BRIP1: variants seen among roughly 807,000 people sequenced by gnomAD.
BRIP1 encodes Fanconi anemia group J protein.
Under a neutral mutation model 119.7 loss-of-function variants are expected in BRIP1, and 88 were observed. The observed-to-expected ratio is 0.74, with a 90% confidence interval of 0.62 to 0.88. BRIP1 has a LOEUF of 0.88. Ranked by LOEUF, BRIP1 falls within the 40% of genes least tolerant of loss-of-function variation. BRIP1 has a pLI of 0.00. For synonymous variants in BRIP1, 443 were observed against 496.5 expected, an observed-to-expected ratio of 0.89 and a Z score of 1.43; for missense variants, 1,259 against 1,455.4, an observed-to-expected ratio of 0.87 and a Z score of 2.20.
rs1020539900 is a variant in BRIP1 at position 61,757,615 on chromosome 17, T to C, written c.2098-13024A>G. Among the ~76,000 whole-genome samples the C allele has an allele frequency of 2.6e-5, 4 of 152,158 alleles. No homozygotes were observed. The highest frequency in any genetic ancestry group is 7.2e-5 in the African/African-American group (3 of 41,434). On this transcript the variant is annotated intron_variant, in intron 14 of 19. Coordinates refer to ENST00000259008, the MANE Select transcript of BRIP1 (RefSeq NM_032043.3). This position sits in a 1 kb window ranked among gnomAD's most constrained non-coding sequence, Gnocchi z 4.3. Reference sequence around the variant, plus strand: ...ATTCTGATAAAAATATACAATGATATTTACAATGCAAAAAACTTCAAAAAA... The same window carrying C: ...ATTCTGATAAAAATATACAATGATACTTACAATGCAAAAAACTTCAAAAAA...
rs1035913949 is a variant in BRIP1, at chr17:61,682,119, C to T, written c.*1177G>A. The T allele has an allele frequency of 4.9e-6, 1 of 203,704 alleles. No individual in the cohort carries two copies. The highest frequency in any genetic ancestry group is 1.0e-5 in the Non-Finnish European group (1 of 99,384). The allele number at this position is 203,704 out of a possible 1,614,324, so 12.6% of individuals were successfully genotyped here. On this transcript the variant is annotated 3_prime_UTR_variant, in exon 20 of 20. Coordinates refer to ENST00000259008, the MANE Select transcript of BRIP1 (RefSeq NM_032043.3). The surrounding 1 kb of genome is among the most constrained non-coding windows in gnomAD (Gnocchi z 4.9). ...AGGTCAAAATTCACAGAAAGGATTACTGTGCCCTAAGGAAACATATTTTAG... is the reference window on the plus strand; with the variant it reads ...AGGTCAAAATTCACAGAAAGGATTATTGTGCCCTAAGGAAACATATTTTAG...
rs2077849778 is a variant in BRIP1, at chr17:61,793,488, G to A, written c.1473+109C>T. 4.1e-6 allele frequency: 4 copies of A among 979,528 alleles called. No homozygotes were observed. The highest frequency in any genetic ancestry group is 5.9e-6 in the Non-Finnish European group (4 of 679,528). 60.7% of individuals were successfully genotyped at this position (979,528 alleles called of 1,614,324 possible). A position where few individuals can be genotyped will look rare whatever the true frequency, so the allele number is the denominator to read the frequency against. ...AATAAAATTTTTAAAAAATTAAATTGCTATATTTAACAATTCTGGGTTACT... is the reference window on the plus strand; with the variant it reads ...AATAAAATTTTTAAAAAATTAAATTACTATATTTAACAATTCTGGGTTACT... On this transcript the variant is annotated intron_variant, in intron 10 of 19. Coordinates refer to ENST00000259008, the MANE Select transcript of BRIP1 (RefSeq NM_032043.3). This position sits in a 1 kb window ranked among gnomAD's most constrained non-coding sequence, Gnocchi z 5.2.
chr17:61,721,549 G>A (rs921412642), intron 16 of BRIP1, among the ~76,000 whole-genome samples: 4 of 151,948 alleles, frequency 2.6e-5, no homozygotes, highest in Non-Finnish European at 5.9e-5. Flanking sequence ...GATTACGGGC[G>A]TGAGCCACTG....
rs1442226636 is a variant in BRIP1 at position 61,703,415 on chromosome 17, C to G, written c.2493-9903G>C. ...AATGATAGTGTGTTGAACATTTTTT[C>G]ATATGCTTCTTGGCCACATGCATGT... On this transcript the variant is annotated intron_variant, in intron 17 of 19. Coordinates refer to ENST00000259008, the MANE Select transcript of BRIP1 (RefSeq NM_032043.3). The surrounding 1 kb of genome is among the most constrained non-coding windows in gnomAD (Gnocchi z 5.0). Among the ~76,000 whole-genome samples the G allele has an allele frequency of 1.3e-5, 2 of 152,156 alleles. No homozygotes were observed. The highest frequency in any genetic ancestry group is 1.5e-5 in the Non-Finnish European group (1 of 68,016).
At chr17:61,711,916 G>A (rs563528513) in intron 17 of BRIP1, among the ~76,000 whole-genome samples, 17 of 151,636 alleles carry the variant, frequency 1.1e-4, no homozygotes, top group African/African-American at 4.1e-4. Flanking sequence ...ATAAAATGAT[G>A]GGGAGTACAG....
chr17:61,777,921 C>A (rs1031526517), intron 13 of BRIP1, among the ~76,000 whole-genome samples: 3 of 152,054 alleles, frequency 2.0e-5, no homozygotes, highest in Non-Finnish European at 4.4e-5. Flanking sequence ...ACTCTCCTAT[C>A]ATGTCTTGGT....
At chr17:61,771,943 C>CA (rs1234088238) in intron 14 of BRIP1, among the ~76,000 whole-genome samples, 1 of 151,864 alleles carries the variant, frequency 6.6e-6, no homozygotes, top group Non-Finnish European at 1.5e-5. Flanking sequence ...GCCTGGGTGA[C>CA]AGAGTGAGAC....
In BRIP1 at chr17:61,780,441, G is replaced by T. The variant is rs2145083280; in HGVS notation, c.1795-40C>A. The T allele has an allele frequency of 6.4e-7, 1 of 1,567,562 alleles. No homozygotes were observed. Among genetic ancestry groups the T allele is most frequent in the South Asian group, 1.1e-5 (1 of 89,708 alleles). On this transcript the variant is annotated intron_variant, in intron 12 of 19. Transcript: ENST00000259008. This position sits in a 1 kb window ranked among gnomAD's most constrained non-coding sequence, Gnocchi z 5.4. The stretch of plus-strand genomic sequence containing the variant: ...CATTAGATAAATAAAATTATCTTTA[G>T]AAGAGGCTGGGCAAAGTGGCTCACA...
chr17:61,850,935 A>G (rs964231503), intron 4 of BRIP1, among the ~76,000 whole-genome samples: 1 of 151,480 alleles, frequency 6.6e-6, no homozygotes, highest in Non-Finnish European at 1.5e-5. Flanking sequence ...TTCTTCTTAA[A>G]GAAATGTTGC....
At position 61,825,222 on chromosome 17, in the gene BRIP1, T is replaced by A. The variant is rs2078387061; in HGVS notation, c.628-16465A>T. 1.3e-5 allele frequency among the ~76,000 whole-genome samples: 2 copies of A among 151,860 alleles called. No homozygotes were observed. Among genetic ancestry groups the A allele is most frequent in the South Asian group, 4.2e-4 (2 of 4,804 alleles). On this transcript the variant is annotated intron_variant, in intron 6 of 19. Transcript: ENST00000259008. The surrounding 1 kb of genome is among the most constrained non-coding windows in gnomAD (Gnocchi z 4.1). ...ATGGCGTGAACCTGGGAGGCGGAGCTTGCAGTGACCCAAGATTGTGCCACT... is the reference window on the plus strand; with the variant it reads ...ATGGCGTGAACCTGGGAGGCGGAGCATGCAGTGACCCAAGATTGTGCCACT...
At position 61,720,329 on chromosome 17, in the gene BRIP1, C is replaced by G. The variant is rs1422109266; in HGVS notation, c.2380-4266G>C. Among the ~76,000 whole-genome samples the G allele has an allele frequency of 6.6e-6, 1 of 152,048 alleles. No homozygotes were observed. Among genetic ancestry groups the G allele is most frequent in the Non-Finnish European group, 1.5e-5 (1 of 67,998 alleles). ...GATACGCTAATTACCCTGATCTAATCAATAAACATCATATGTATCAAAACA... is the reference window on the plus strand; with the variant it reads ...GATACGCTAATTACCCTGATCTAATGAATAAACATCATATGTATCAAAACA... On this transcript the variant is annotated intron_variant, in intron 16 of 19. Coordinates refer to ENST00000259008, the MANE Select transcript of BRIP1 (RefSeq NM_032043.3). This position sits in a 1 kb window ranked among gnomAD's most constrained non-coding sequence, Gnocchi z 4.3.
intron 6 of BRIP1, among the ~76,000 whole-genome samples, chr17:61,836,017 G>A (rs2078566892): frequency 6.6e-6 from 1 of 151,978 alleles, no homozygotes; most frequent in African/African-American, 2.4e-5. Flanking sequence ...AAGCAGAAAG[G>A]GAGATGGGGT....
chr17:61,810,652 T>G lies in BRIP1; in HGVS notation c.628-1895A>C, dbSNP rs760568780. The stretch of plus-strand genomic sequence containing the variant: ...TTTCTCAAGGCTGGGAAAACTTACT[T>G]TTTGATGTTACACTTTTCAACATCA... On this transcript the variant is annotated intron_variant, in intron 6 of 19. Transcript: ENST00000259008. The surrounding 1 kb of genome is among the most constrained non-coding windows in gnomAD (Gnocchi z 4.7). Among the ~76,000 whole-genome samples the G allele has an allele frequency of 6.6e-6, 1 of 152,200 alleles. No homozygotes were observed. Among genetic ancestry groups the G allele is most frequent in the Non-Finnish European group, 1.5e-5 (1 of 68,034 alleles).
intron 6 of BRIP1, among the ~76,000 whole-genome samples, chr17:61,840,051 C>A (rs572982291): frequency 6.6e-6 from 1 of 152,282 alleles, no homozygotes; most frequent in South Asian, 2.1e-4. Flanking sequence ...CCATAAACAT[C>A]TTCAACAGAT....
rs1029905422 is a variant in BRIP1 at position 61,758,784 on chromosome 17, C to G, written c.2098-14193G>C. On this transcript the variant is annotated intron_variant, in intron 14 of 19. Transcript: ENST00000259008. The surrounding 1 kb of genome is among the most constrained non-coding windows in gnomAD (Gnocchi z 5.3). ...AGGATTGCTTGAGGCCAAAGGATTGCTTGAAGCCAGGAGTTTAAGACCAGT... is the reference window on the plus strand; with the variant it reads ...AGGATTGCTTGAGGCCAAAGGATTGGTTGAAGCCAGGAGTTTAAGACCAGT... Among the ~76,000 whole-genome samples the G allele has an allele frequency of 6.6e-6, 1 of 151,634 alleles. No individual in the cohort carries two copies.
rs559338998 is a variant in BRIP1 at position 61,803,713 on chromosome 17, G to A, written c.919-2239C>T. Among the ~76,000 whole-genome samples, 67 of 152,156 alleles carry A rather than the reference G, an allele frequency of 4.4e-4. No individual in the cohort carries two copies. The highest frequency in any genetic ancestry group is 1.6e-3 in the African/African-American group (67 of 41,550). On this transcript the variant is annotated intron_variant, in intron 7 of 19. Transcript: ENST00000259008. The surrounding 1 kb of genome is among the most constrained non-coding windows in gnomAD (Gnocchi z 4.3). Reference sequence around the variant, plus strand: ...AAGTGTCTCATATACTATTAAAAATGTACAAAATTAGAAAAGTATATATAT... The same window carrying A: ...AAGTGTCTCATATACTATTAAAAATATACAAAATTAGAAAAGTATATATAT...
At chr17:61,723,759 C>G (rs1042749097) in intron 16 of BRIP1, among the ~76,000 whole-genome samples, 5 of 152,024 alleles carry the variant, frequency 3.3e-5, no homozygotes, top group African/African-American at 1.2e-4. Flanking sequence ...CTTCCCATCC[C>G]CAATAAATTA....
At position 61,800,299 on chromosome 17, in the gene BRIP1, G is replaced by C. The variant is rs556198474; in HGVS notation, c.1140+954C>G. 2.0e-5 allele frequency among the ~76,000 whole-genome samples: 3 copies of C among 152,288 alleles called. No homozygotes were observed. The South Asian group carries it at 6.2e-4, about 32-fold the overall frequency. ...TTGAGGAAGTAAGAATACACAGACA[G>C]CTGAAAAGTTGAGAAAAAACCATGG... On this transcript the variant is annotated intron_variant, in intron 8 of 19. Transcript: ENST00000259008.
Position 61,789,417 on chromosome 17 carries a change from T to C in BRIP1, c.1473+4180A>G, listed in dbSNP as rs375453262. On this transcript the variant is annotated intron_variant, in intron 10 of 19. Coordinates refer to ENST00000259008, the MANE Select transcript of BRIP1 (RefSeq NM_032043.3). The surrounding 1 kb of genome is among the most constrained non-coding windows in gnomAD (Gnocchi z 4.8). The stretch of plus-strand genomic sequence containing the variant: ...ATTCTCTATCCATACAGGAAAAAAA[T>C]TGATTCATAAATTCACAACATAAAC... Among the ~76,000 whole-genome samples, 20 of 152,098 alleles carry C rather than the reference T, an allele frequency of 1.3e-4. No individual in the cohort carries two copies. Among genetic ancestry groups the C allele is most frequent in the East Asian group, 1.9e-4 (1 of 5,198 alleles).
Sources: allele counts gnomAD v4.1 joint callset (sites outside exome capture counted in the v4.1 genomes callset), GRCh38; gene constraint gnomAD v4.1.1; non-coding constraint Gnocchi (gnomAD v3.1); transcripts MANE v1.5; gene names NCBI Gene and HGNC (gene_info 2026-07-23, HGNC 2026-07-21).